Variants in WDR33 observed in about 807,000 individuals in gnomAD.
WDR33 encodes pre-mRNA 3' end processing protein WDR33.
Under a neutral mutation model 164.9 loss-of-function variants are expected in WDR33, and 47 were observed. The observed-to-expected ratio is 0.29, with a 90% CI of 0.23 to 0.36. The LOEUF is 0.36. Ranked by LOEUF, WDR33 falls within the 10% of genes least tolerant of loss-of-function variation. The pLI is 1.00. For synonymous variants in WDR33, 505 were observed against 589.0 expected, an observed-to-expected ratio of 0.86 and a Z score of 2.06; for missense variants, 1,137 against 1,754.1, an observed-to-expected ratio of 0.65 and a Z score of 6.28.
In WDR33 at chr2:127,701,536, A is replaced by G; in HGVS notation, c.*4787T>C. 2 of 1,337,114 alleles carry G rather than the reference A, an allele frequency of 1.5e-6. No individual in the cohort carries two copies. Among genetic ancestry groups the G allele is most frequent in the South Asian group, 2.0e-5 (1 of 50,356 alleles). 82.8% of individuals were successfully genotyped at this position (1,337,114 alleles called of 1,614,324 possible). On this transcript the variant is annotated 3_prime_UTR_variant, in exon 22 of 22. Transcript: ENST00000322313. ...GCCACCGCCTTGTCCAAGATGGCGGACCTCCACCGCCAGCTGCAGGAGTAC... is the reference window on the plus strand; with the variant it reads ...GCCACCGCCTTGTCCAAGATGGCGGGCCTCCACCGCCAGCTGCAGGAGTAC...
intron 7 of WDR33, among the ~76,000 whole-genome samples, chr2:127,728,416 A>G (rs1686621584): frequency 6.6e-6 from 1 of 152,236 alleles, no homozygotes; most frequent in Admixed American, 6.5e-5. Flanking sequence ...CAAGAAGTCT[A>G]GACACCGAAT....
chr2:127,723,083 C>G lies in WDR33; in HGVS notation c.1292-39G>C. The G allele has an allele frequency of 6.5e-7, 1 of 1,545,314 alleles. No individual in the cohort carries two copies. Among genetic ancestry groups the G allele is most frequent in the Non-Finnish European group, 8.8e-7 (1 of 1,139,088 alleles). On this transcript the variant is annotated intron_variant, in intron 12 of 21. Transcript: ENST00000322313. This position sits in a 1 kb window ranked among gnomAD's most constrained non-coding sequence, Gnocchi z 5.9. ...TACACCATTGTCAATAGAGAATTTA[C>G]AAAAGTAGCGACTGATAAAATTAAT...
intron 7 of WDR33, among the ~76,000 whole-genome samples, chr2:127,728,866 T>C (rs1686633221): frequency 6.6e-6 from 1 of 152,270 alleles, no homozygotes; most frequent in South Asian, 2.1e-4. Flanking sequence ...TCATCTTCTC[T>C]GGGACACGTT....
intron 1 of WDR33, among the ~76,000 whole-genome samples, chr2:127,801,225 G>T (rs973684566): frequency 6.6e-6 from 1 of 152,178 alleles, no homozygotes; most frequent in African/African-American, 2.4e-5. Context: ...TTGAGGCACA[G>T]TGAGCTATGA....
chr2:127,724,042 C>T lies in WDR33; in HGVS notation c.1196+291G>A, dbSNP rs1015776854. ...ATAGTGAGCTGAGACCGCACCATTG[C>T]ACGCCAGCCTGGACAGAGACCCTGT... On this transcript the variant is annotated intron_variant, in intron 11 of 21. Transcript: ENST00000322313. This position sits in a 1 kb window ranked among gnomAD's most constrained non-coding sequence, Gnocchi z 4.8. 2.6e-5 allele frequency among the ~76,000 whole-genome samples: 4 copies of T among 151,542 alleles called. No individual in the cohort carries two copies. The highest frequency in any genetic ancestry group is 9.7e-5 in the African/African-American group (4 of 41,038).
rs559458912 is a variant in WDR33 at position 127,763,534 on chromosome 2, C to A, written c.627-375G>T. On this transcript the variant is annotated intron_variant, in intron 6 of 21. Coordinates refer to ENST00000322313, the MANE Select transcript of WDR33 (RefSeq NM_018383.5). The surrounding 1 kb of genome is among the most constrained non-coding windows in gnomAD (Gnocchi z 4.5). ...TTCCTGCAGTCTTTTAAATCACACA[C>A]GAATACTGCTCCCAAAATTATCATC... is the stretch of plus-strand genomic sequence containing the variant. The A allele has an allele frequency of 1.9e-6, 2 of 1,028,190 alleles. No homozygotes were observed. Among genetic ancestry groups the A allele is most frequent in the South Asian group, 3.8e-5 (1 of 26,382 alleles). The allele number at this position is 1,028,190 out of a possible 1,614,324, so 63.7% of individuals were successfully genotyped here.
At position 127,723,458 on chromosome 2, in the gene WDR33, T is replaced by C. The variant is rs1686489118; in HGVS notation, c.1197-111A>G. The C allele has an allele frequency of 7.1e-6, 6 of 848,836 alleles. No individual in the cohort carries two copies. The highest frequency in any genetic ancestry group is 5.5e-6 in the Non-Finnish European group (3 of 547,384). 52.6% of individuals were successfully genotyped at this position (848,836 alleles called of 1,614,324 possible). A position where few individuals can be genotyped will look rare whatever the true frequency, so the allele number is the denominator to read the frequency against. On this transcript the variant is annotated intron_variant, in intron 11 of 21. Coordinates refer to ENST00000322313, the MANE Select transcript of WDR33 (RefSeq NM_018383.5). This position sits in a 1 kb window ranked among gnomAD's most constrained non-coding sequence, Gnocchi z 5.9. ...ACAACACATTTTTACAATTTGTTTC[T>C]TCTACAAATTTAAAATGTGAGGTCA...
chr2:127,781,823 ACCCCGT>A (rs1688379359), intron 1 of WDR33, among the ~76,000 whole-genome samples: 1 of 151,698 alleles, frequency 6.6e-6, no homozygotes, highest in Admixed American at 6.6e-5. Context: ...ACATGGAGAA[ACCCCGT>A]CTCTACTAAA....
At chr2:127,707,241 A>G (rs1359349395) in intron 21 of WDR33, among the ~76,000 whole-genome samples, 7 of 151,616 alleles carry the variant, frequency 4.6e-5, no homozygotes, top group South Asian at 2.1e-4. Flanking sequence ...AAAAAAAAAA[A>G]AAAAGAAAAA....
rs531402566 is a variant in WDR33 at position 127,716,304 on chromosome 2, C to T, written c.2869+851G>A. Among the ~76,000 whole-genome samples, 4 of 152,296 alleles carry T rather than the reference C, an allele frequency of 2.6e-5. No homozygotes were observed. Among genetic ancestry groups the T allele is most frequent in the Non-Finnish European group, 5.9e-5 (4 of 68,040 alleles). On this transcript the variant is annotated intron_variant, in intron 17 of 21. Transcript: ENST00000322313. The surrounding 1 kb of genome is among the most constrained non-coding windows in gnomAD (Gnocchi z 4.5). Reference sequence around the variant, plus strand: ...CGGGGGCAAAAATCTTAACATGCACCACACAGTGCTATGGGCTTAGCCAAT... The same window carrying T: ...CGGGGGCAAAAATCTTAACATGCACTACACAGTGCTATGGGCTTAGCCAAT...
intron 1 of WDR33, among the ~76,000 whole-genome samples, chr2:127,803,987 C>T (rs987991829): frequency 2.7e-5 from 4 of 150,330 alleles, no homozygotes; most frequent in Non-Finnish European, 5.9e-5. Flanking sequence ...GCAATAAGGG[C>T]CAAATACCTG....
At position 127,721,798 on chromosome 2, in the gene WDR33, A is replaced by G; in HGVS notation, c.1671+38T>C. 6.3e-7 allele frequency: 1 copy of G among 1,578,496 alleles called. No homozygotes were observed. The highest frequency in any genetic ancestry group is 8.6e-7 in the Non-Finnish European group (1 of 1,165,486). ...ATAAAAATGTCACCACTACCCTCTTAGATCATCTTGAATTCCCCCCTACAG... is the reference window on the plus strand; with the variant it reads ...ATAAAAATGTCACCACTACCCTCTTGGATCATCTTGAATTCCCCCCTACAG... On this transcript the variant is annotated intron_variant, in intron 15 of 21. Coordinates refer to ENST00000322313, the MANE Select transcript of WDR33 (RefSeq NM_018383.5). This position sits in a 1 kb window ranked among gnomAD's most constrained non-coding sequence, Gnocchi z 4.9.
chr2:127,728,041 C>T (rs1686613374), intron 7 of WDR33, among the ~76,000 whole-genome samples: 1 of 152,222 alleles, frequency 6.6e-6, no homozygotes, highest in South Asian at 2.1e-4. Context: ...ATCTGGAGAA[C>T]AGTTTGGCTG....
chr2:127,743,553 A>C (rs1687086727), intron 7 of WDR33, among the ~76,000 whole-genome samples: 1 of 152,076 alleles, frequency 6.6e-6, no homozygotes, highest in Non-Finnish European at 1.5e-5. Context: ...ATATGAAGAA[A>C]ACAAAAGTAG....
chr2:127,750,811 A>T (rs1474338337), intron 7 of WDR33, among the ~76,000 whole-genome samples: 1 of 140,936 alleles, frequency 7.1e-6, no homozygotes, highest in Non-Finnish European at 1.5e-5. Flanking sequence ...ACTATCTTTA[A>T]AACAGCTAAT....
intron 1 of WDR33, among the ~76,000 whole-genome samples, chr2:127,802,262 A>C (rs1393550919): frequency 1.3e-5 from 2 of 152,216 alleles, no homozygotes; most frequent in Non-Finnish European, 2.9e-5. Context: ...CAGCATGCCA[A>C]CTTTCTTCTA....
rs1303100491 is a variant in WDR33, at chr2:127,794,943, G to A, written c.-24+16069C>T. The stretch of plus-strand genomic sequence containing the variant: ...GGAGGCTGAGGCGGGAGGATCACTT[G>A]AGCCCAGTAGTTCAAGTCCTGAGCA... On this transcript the variant is annotated intron_variant, in intron 1 of 21. Coordinates refer to ENST00000322313, the MANE Select transcript of WDR33 (RefSeq NM_018383.5). Among the ~76,000 whole-genome samples the A allele has an allele frequency of 5.3e-5, 8 of 151,604 alleles. No homozygotes were observed. In the South Asian group the frequency reaches 6.2e-4, roughly 12 times the overall value.
intron 1 of WDR33, among the ~76,000 whole-genome samples, chr2:127,774,569 C>T (rs1688121386): frequency 6.7e-6 from 1 of 149,746 alleles, no homozygotes; most frequent in Non-Finnish European, 1.5e-5. Context: ...GCGGCTCACG[C>T]CTGTAATCCC....
chr2:127,731,962 C>T (rs1686718835), intron 7 of WDR33, among the ~76,000 whole-genome samples: 1 of 152,074 alleles, frequency 6.6e-6, no homozygotes, highest in South Asian at 2.1e-4. Context: ...GTGGTGCACA[C>T]CCATGCTCCC....
Sources: allele counts gnomAD v4.1 joint callset (sites outside exome capture counted in the v4.1 genomes callset), GRCh38; gene constraint gnomAD v4.1.1; non-coding constraint Gnocchi (gnomAD v3.1); transcripts MANE v1.5; gene names NCBI Gene and HGNC (gene_info 2026-07-23, HGNC 2026-07-21).